Variants in MSRA observed in about 807,000 individuals in gnomAD.
MSRA encodes the protein mitochondrial peptide methionine sulfoxide reductase.
Under a neutral mutation model 31.3 loss-of-function variants are expected in MSRA, and 54 were observed. The ratio of observed to expected loss-of-function variants is 1.73; its 90% CI spans 1.39 to 2.17. The LOEUF is 2.17. Among genes scored for constraint, MSRA ranks in the 30% most tolerant of loss-of-function variants. The pLI is 0.00. For missense variants in MSRA, 507 were observed against 300.9 expected (o/e 1.69, Z -5.07); for synonymous variants, 169 against 116.5 (o/e 1.45, Z -2.90).
At chr8:10,288,306 C>T (rs888168010) in intron 3 of MSRA, among the ~76,000 whole-genome samples, 1 of 152,080 alleles carries the variant, frequency 6.6e-6, no homozygotes. Flanking sequence ...CCTTTAGAAG[C>T]CGTAGCCATT....
intron 1 of MSRA, among the ~76,000 whole-genome samples, chr8:10,069,109 C>T (rs182215429): frequency 6.6e-5 from 10 of 152,262 alleles, no homozygotes; most frequent in African/African-American, 1.2e-4. Flanking sequence ...AATTGACTTT[C>T]GTATATTAAT....
intron 3 of MSRA, among the ~76,000 whole-genome samples, chr8:10,301,075 C>A (rs1053832558): frequency 3.3e-5 from 5 of 152,162 alleles, no homozygotes; most frequent in African/African-American, 1.2e-4. Context: ...GAGTGATCAG[C>A]CTGTTTTTTA....
At chr8:10,271,629 C>T (rs994105585) in intron 3 of MSRA, among the ~76,000 whole-genome samples, 1 of 95,696 alleles carries the variant, frequency 1.0e-5, no homozygotes, top group African/African-American at 3.6e-5. Flanking sequence ...ATCAGACAGT[C>T]AATTTGCATT....
chr8:10,285,026 TA>T (rs5889328), intron 3 of MSRA, among the ~76,000 whole-genome samples: 107 of 144,838 alleles, frequency 7.4e-4, no homozygotes, highest in Middle Eastern at 3.6e-3. Context: ...TTTTTTTCTT[TA>T]AAAAAAAAAA....
Position 10,165,108 on chromosome 8 carries a change from T to A in MSRA, c.143-42725T>A, listed in dbSNP as rs571874669. 9.8e-5 allele frequency among the ~76,000 whole-genome samples: 15 copies of A among 152,286 alleles called. No homozygotes were observed. The South Asian group carries it at 2.9e-3, about 29-fold the overall frequency. On this transcript the variant is annotated intron_variant, in intron 1 of 5. Coordinates refer to ENST00000317173, the MANE Select transcript of MSRA (RefSeq NM_012331.5). ...GAGAGTGAAGTCCGGGTGTTAATAT[T>A]TTAAAAAGGCTCCCCAGGTAATTCT...
chr8:10,350,278 A>G (rs1014373182), intron 5 of MSRA, among the ~76,000 whole-genome samples: 10 of 152,196 alleles, frequency 6.6e-5, no homozygotes, highest in Non-Finnish European at 1.5e-4. Flanking sequence ...CATCTTTGAG[A>G]AACTTTCTGT....
In MSRA at chr8:10,272,738, T is replaced by C. The variant is rs2975663; in HGVS notation, c.331+27515T>C. Among the ~76,000 whole-genome samples the C allele has an allele frequency of 3.3e-5, 5 of 152,252 alleles. No individual in the cohort carries two copies. In the South Asian group the frequency reaches 1.0e-3, roughly 32 times the overall value. On this transcript the variant is annotated intron_variant, in intron 3 of 5. Transcript: ENST00000317173. ...CAAATGTCGATACTATGTAGATTTA[T>C]GTGTTTATTTTTTTTATTCTACGCT... is the stretch of plus-strand genomic sequence containing the variant.
intron 1 of MSRA, among the ~76,000 whole-genome samples, chr8:10,088,051 CT>C (rs1798660575): frequency 6.6e-6 from 1 of 152,172 alleles, no homozygotes; most frequent in Non-Finnish European, 1.5e-5. Context: ...CCTGAAGCAT[CT>C]GGGGGACTTT....
intron 1 of MSRA, among the ~76,000 whole-genome samples, chr8:10,136,202 G>A (rs1045607058): frequency 6.6e-6 from 1 of 152,226 alleles, no homozygotes; most frequent in African/African-American, 2.4e-5. Flanking sequence ...GCAGAGAGGA[G>A]CTCTGCGGTG....
intron 5 of MSRA, among the ~76,000 whole-genome samples, chr8:10,358,249 C>T (rs1197534880): frequency 6.6e-6 from 1 of 152,090 alleles, no homozygotes; most frequent in African/African-American, 2.4e-5. Flanking sequence ...CCACTCCTGG[C>T]AAATCTTGGT....
At chr8:10,109,326 A>ACTTTT (rs555426760) in intron 1 of MSRA, among the ~76,000 whole-genome samples, 2 of 150,612 alleles carry the variant, frequency 1.3e-5, no homozygotes, top group Admixed American at 6.6e-5. Context: ...TTCTTTTTTT[A>ACTTTT]CTTTTCTTTT....
At chr8:10,321,964 A>C (rs1802069188) in intron 5 of MSRA, among the ~76,000 whole-genome samples, 3 of 152,222 alleles carry the variant, frequency 2.0e-5, no homozygotes, top group Non-Finnish European at 4.4e-5. Flanking sequence ...TTTTAGAGTA[A>C]TTTAAGTATA....
intron 1 of MSRA, among the ~76,000 whole-genome samples, chr8:10,109,629 A>C (rs572117664): frequency 1.3e-5 from 2 of 152,352 alleles, no homozygotes; most frequent in Non-Finnish European, 2.9e-5. Flanking sequence ...GGTGTACGCC[A>C]CTGTGCCCAG....
chr8:10,117,546 A>G (rs1800775629), intron 1 of MSRA, among the ~76,000 whole-genome samples: 2 of 152,344 alleles, frequency 1.3e-5, no homozygotes, highest in South Asian at 4.1e-4. Context: ...GTGGGGTATT[A>G]GAATGAATCC....
At chr8:10,202,830 G>GA (rs1808621469) in intron 1 of MSRA, among the ~76,000 whole-genome samples, 1 of 152,280 alleles carries the variant, frequency 6.6e-6, no homozygotes, top group Admixed American at 6.5e-5. Context: ...TACAAATGAG[G>GA]AAACTTAAAA....
At position 10,133,870 on chromosome 8, in the gene MSRA, G is replaced by A. The variant is rs141842164; in HGVS notation, c.143-73963G>A. On this transcript the variant is annotated intron_variant, in intron 1 of 5. Coordinates refer to ENST00000317173, the MANE Select transcript of MSRA (RefSeq NM_012331.5). Reference sequence around the variant, plus strand: ...TTTTGAGATGGAGTCTCGCTCTGTCGCCCAGGCTGGAGTGCAGTGTCACAA... The same window carrying A: ...TTTTGAGATGGAGTCTCGCTCTGTCACCCAGGCTGGAGTGCAGTGTCACAA... Among the ~76,000 whole-genome samples, 72 of 152,000 alleles carry A rather than the reference G, an allele frequency of 4.7e-4. 3 individuals carry two copies. The East Asian group carries it at 0.013, about 27-fold the overall frequency.
At chr8:10,181,669 C>G (rs1376385383) in intron 1 of MSRA, among the ~76,000 whole-genome samples, 1 of 152,106 alleles carries the variant, frequency 6.6e-6, no homozygotes, top group Non-Finnish European at 1.5e-5. Flanking sequence ...AGAGTAGAGT[C>G]AGGAGGCAAT....
chr8:10,366,093 G>C (rs1805149516), intron 5 of MSRA, among the ~76,000 whole-genome samples: 1 of 152,198 alleles, frequency 6.6e-6, no homozygotes, highest in South Asian at 2.1e-4. Flanking sequence ...GATGTTTACT[G>C]GTCTTGTGGC....
At chr8:10,146,365 G>C (rs537021791) in intron 1 of MSRA, among the ~76,000 whole-genome samples, 1 of 152,280 alleles carries the variant, frequency 6.6e-6, no homozygotes, top group East Asian at 1.9e-4. Context: ...TCCCCAGAAG[G>C]GTGAAACTGT....
Sources: allele counts gnomAD v4.1 joint callset (sites outside exome capture counted in the v4.1 genomes callset), GRCh38; gene constraint gnomAD v4.1.1; transcripts MANE v1.5; gene names NCBI Gene and HGNC (gene_info 2026-07-23, HGNC 2026-07-21).